SMARCB1: variants seen among roughly 807,000 people sequenced by gnomAD.
The protein encoded by SMARCB1 is SWI/SNF-related matrix-associated actin-dependent regulator of chromatin subfamily B member 1.
Under a neutral mutation model 49.0 loss-of-function variants are expected in SMARCB1, and 5 were observed. That is an observed-to-expected ratio of 0.10 (90% confidence interval 0.05 to 0.21). The LOEUF is 0.21. SMARCB1 is among the 10% of genes least tolerant of loss of function. SMARCB1 has a pLI of 1.00. For missense variants in SMARCB1, 226 were observed against 509.2 expected (o/e 0.44, Z 5.35); for synonymous variants, 201 against 200.1 (o/e 1.00, Z -0.04).
At chr22:23,812,313 T>G (rs1316130120) in intron 5 of SMARCB1, among the ~76,000 whole-genome samples, 2 of 152,058 alleles carry the variant, frequency 1.3e-5, no homozygotes. Context: ...ATATAAAACA[T>G]TATTTTAAAA....
chr22:23,809,701 G>A (rs956373388), intron 5 of SMARCB1, among the ~76,000 whole-genome samples: 3 of 151,530 alleles, frequency 2.0e-5, no homozygotes, highest in Admixed American at 6.6e-5. Context: ...ATGAGCCACC[G>A]CGCCCAGCCG....
chr22:23,797,766 A>G (rs1928870950), intron 3 of SMARCB1, among the ~76,000 whole-genome samples: 1 of 150,456 alleles, frequency 6.6e-6, no homozygotes, highest in Non-Finnish European at 1.5e-5. Context: ...TATAGGCACC[A>G]GGCACCACAC....
rs145934279 is a variant in SMARCB1, at chr22:23,816,837, G to T, written c.696G>T (p.Thr232=). 10 of 1,613,790 alleles carry T rather than the reference G, an allele frequency of 6.2e-6. No individual in the cohort carries two copies. The highest frequency in any genetic ancestry group is 1.6e-4 in the Middle Eastern group (1 of 6,084). The stretch of plus-strand genomic sequence containing the variant: ...ACGATCTGGATTTGAACCCGCTGAC[G>T]TTTGTGCCAGCCATCGCCTCTGCCA... ...LCDDLDLNPL[T]FVPAIASAIR... is the part of the protein sequence containing the mutation. The change falls in exon 6 of 9, where the codon ACG becomes ACT. Residue 232 remains threonine (T), a synonymous_variant. Transcript: ENST00000644036.
intron 1 of SMARCB1, among the ~76,000 whole-genome samples, chr22:23,789,253 A>G (rs1183116180): frequency 6.6e-6 from 1 of 152,278 alleles, no homozygotes; most frequent in East Asian, 1.9e-4. Flanking sequence ...AGGTAGAGCC[A>G]GTGCCTGTCC....
Position 23,836,862 on chromosome 22 carries a change from G to T in SMARCB1, c.*2682G>T. On this transcript the variant is annotated 3_prime_UTR_variant, in exon 9 of 9. Coordinates refer to ENST00000644036, the MANE Select transcript of SMARCB1 (RefSeq NM_003073.5). ...AGAAGCCTCTTAGGCCTGGCCCTGG[G>T]TGGGGGTCACTGCTGCGGGGGTGGC... The T allele has an allele frequency of 6.9e-7, 1 of 1,459,084 alleles. No individual in the cohort carries two copies. Among genetic ancestry groups the T allele is most frequent in the Non-Finnish European group, 9.1e-7 (1 of 1,104,398 alleles). 90.4% of individuals were successfully genotyped at this position (1,459,084 alleles called of 1,614,324 possible).
intron 7 of SMARCB1, chr22:23,825,764 T>C (rs889967685): frequency 1.7e-5 from 5 of 297,860 alleles, no homozygotes; most frequent in African/African-American, 6.4e-5. Context: ...CAGACTGTTA[T>C]TTTGGTCAGG....
chr22:23,834,247 T>C lies in SMARCB1; in HGVS notation c.*67T>C. ...ATTGGGCCGCCTCTCCTCCATCTTC[T>C]GGCAAGGACAGAGGCGAGGGGACAG... On this transcript the variant is annotated 3_prime_UTR_variant, in exon 9 of 9. Transcript: ENST00000644036. 1 of 1,506,806 alleles carries C rather than the reference T, an allele frequency of 6.6e-7. No homozygotes were observed. Among genetic ancestry groups the C allele is most frequent in the Non-Finnish European group, 9.0e-7 (1 of 1,107,594 alleles). 93.3% of individuals were successfully genotyped at this position (1,506,806 alleles called of 1,614,324 possible).
chr22:23,806,124 A>G (rs761577693), intron 5 of SMARCB1, among the ~76,000 whole-genome samples: 7 of 152,180 alleles, frequency 4.6e-5, no homozygotes, highest in Non-Finnish European at 1.0e-4. Flanking sequence ...CCTTTTTAGA[A>G]CCAGGCAGAA....
chr22:23,808,296 AT>A (rs1199330830), intron 5 of SMARCB1, among the ~76,000 whole-genome samples: 1 of 151,922 alleles, frequency 6.6e-6, no homozygotes, highest in Non-Finnish European at 1.5e-5. Flanking sequence ...AATTTTTTGT[AT>A]TTTTTAGTAG....
Position 23,835,785 on chromosome 22 carries a change from G to A in SMARCB1, c.*1605G>A. The A allele has an allele frequency of 2.0e-6, 2 of 985,492 alleles. No homozygotes were observed. Among genetic ancestry groups the A allele is most frequent in the Non-Finnish European group, 2.4e-6 (2 of 829,944 alleles). 61.0% of individuals were successfully genotyped at this position (985,492 alleles called of 1,614,324 possible). Reference sequence around the variant, plus strand: ...AGCCCTGTGTCTCCACAACTGGGGGGATGGAAGGAACCTTGGCTGCCTCAC... The same window carrying A: ...AGCCCTGTGTCTCCACAACTGGGGGAATGGAAGGAACCTTGGCTGCCTCAC... On this transcript the variant is annotated 3_prime_UTR_variant, in exon 9 of 9. Transcript: ENST00000644036.
At chr22:23,795,898 C>A (rs1928718600) in intron 3 of SMARCB1, among the ~76,000 whole-genome samples, 1 of 148,990 alleles carries the variant, frequency 6.7e-6, no homozygotes, top group African/African-American at 2.5e-5. Context: ...TCAAGCGATT[C>A]TCTTGCCTCA....
chr22:23,804,963 T>C (rs780033592), intron 5 of SMARCB1, among the ~76,000 whole-genome samples: 1 of 152,238 alleles, frequency 6.6e-6, no homozygotes, highest in Non-Finnish European at 1.5e-5. Context: ...TGCAGCATTT[T>C]TCTCTCAGAA....
chr22:23,830,837 T>A lies in SMARCB1; in HGVS notation c.987-2735T>A, dbSNP rs529381092. ...CCACCACACCCAGCTAATTTTTTGT[T>A]TTTAGTAGAGACGGGGTTTCACCAT... is the stretch of plus-strand genomic sequence containing the variant. On this transcript the variant is annotated intron_variant, in intron 7 of 8. Coordinates refer to ENST00000644036, the MANE Select transcript of SMARCB1 (RefSeq NM_003073.5). Among the ~76,000 whole-genome samples the A allele has an allele frequency of 4.9e-3, 745 of 152,102 alleles. 7 individuals carry two copies. The highest frequency in any genetic ancestry group is 0.017 in the African/African-American group (696 of 41,478).
chr22:23,794,172 C>T (rs1381575620), intron 3 of SMARCB1, among the ~76,000 whole-genome samples: 2 of 152,220 alleles, frequency 1.3e-5, no homozygotes, highest in Non-Finnish European at 2.9e-5. Flanking sequence ...CGAAACCCCA[C>T]CTCAGGTGAT....
intron 3 of SMARCB1, among the ~76,000 whole-genome samples, chr22:23,799,824 G>T (rs1182870372): frequency 6.6e-6 from 1 of 151,146 alleles, no homozygotes; most frequent in Non-Finnish European, 1.5e-5. Context: ...AGCTGGGACT[G>T]CAGGCGCCTG....
At position 23,833,622 on chromosome 22, in the gene SMARCB1, C is replaced by T. The variant is rs1231539032; in HGVS notation, c.1037C>T (p.Ala346Val). ...VEIAIRNTGD[A>V]DQWCPLLETL... ...ATTGCCATCCGGAACACGGGCGATG[C>T]GGACCAGTGGTGCCCACTGCTGGAG... Residue 346 changes from alanine to valine, a missense_variant, in exon 8 of 9, where the codon GCG becomes GTG. Ala to Val is a moderately conservative substitution (Grantham distance 64, BLOSUM62 0). Transcript: ENST00000644036. 2 of 1,614,134 alleles carry T rather than the reference C, an allele frequency of 1.2e-6. No homozygotes were observed. Among genetic ancestry groups the T allele is most frequent in the Non-Finnish European group, 1.7e-6 (2 of 1,179,984 alleles).
In SMARCB1 at chr22:23,831,128, G is replaced by A. The variant is rs141637884; in HGVS notation, c.987-2444G>A. On this transcript the variant is annotated intron_variant, in intron 7 of 8. Transcript: ENST00000644036. ...ATCATTTGAGGCTCCTGGCGGCCTC[G>A]GAGGTGTGAATTGCAAACATAAGGG... is the stretch of plus-strand genomic sequence containing the variant. 2.3e-4 allele frequency among the ~76,000 whole-genome samples: 35 copies of A among 152,222 alleles called. No homozygotes were observed. In the East Asian group the frequency reaches 6.6e-3, roughly 29 times the overall value.
chr22:23,807,675 ACAT>A (rs1306651506), intron 5 of SMARCB1, among the ~76,000 whole-genome samples: 2 of 152,254 alleles, frequency 1.3e-5, no homozygotes, highest in Non-Finnish European at 2.9e-5. Flanking sequence ...ATGCCAAGAC[ACAT>A]CATAATTAAA....
In SMARCB1 at chr22:23,835,068, G is replaced by T; in HGVS notation, c.*888G>T. On this transcript the variant is annotated 3_prime_UTR_variant, in exon 9 of 9. Transcript: ENST00000644036. ...CCCACCCCAGCAGGTGCTGTGGCCT[G>T]GGCCAGCTCCTGCCTTACAAGCCAG... 1.4e-6 allele frequency: 2 copies of T among 1,397,512 alleles called. No homozygotes were observed. Among genetic ancestry groups the T allele is most frequent in the Non-Finnish European group, 1.9e-6 (2 of 1,078,850 alleles). 86.6% of individuals were successfully genotyped at this position (1,397,512 alleles called of 1,614,324 possible). A position where few individuals can be genotyped will look rare whatever the true frequency, so the allele number is the denominator to read the frequency against.
Sources: gnomAD v4.1 joint callset for allele counts (sites outside exome capture counted in the v4.1 genomes callset) on GRCh38, gnomAD v4.1.1 for gene constraint, MANE v1.5 for transcripts, NCBI Gene and HGNC (gene_info 2026-07-23, HGNC 2026-07-21) for gene names.